TMEFF2: variants seen among roughly 807,000 people sequenced by gnomAD.
The protein encoded by TMEFF2 is tomoregulin-2.
In TMEFF2, 28 loss-of-function variants were observed where a neutral mutation model predicts 53.8. The observed-to-expected ratio is 0.52, with a 90% CI of 0.39 to 0.71. The LOEUF is 0.71. TMEFF2 is among the 30% of genes least tolerant of loss of function. TMEFF2 has a pLI of 0.00. For synonymous variants in TMEFF2, 162 were observed against 166.3 expected (o/e 0.97, Z 0.20); for missense variants, 353 against 455.2 (o/e 0.78, Z 2.04).
At chr2:191,986,811 T>C (rs1685987156) in intron 7 of TMEFF2, among the ~76,000 whole-genome samples, 1 of 142,138 alleles carries the variant, frequency 7.0e-6, no homozygotes, top group Non-Finnish European at 1.5e-5. Flanking sequence ...TGAGCTGACA[T>C]GGTGTCACTG....
chr2:192,051,727 C>G (rs1276483779), intron 5 of TMEFF2, among the ~76,000 whole-genome samples: 1 of 152,146 alleles, frequency 6.6e-6, no homozygotes, highest in African/African-American at 2.4e-5. Context: ...TAAATGTGGG[C>G]AGGTTGCCAA....
At chr2:192,181,839 A>G (rs977331788) in intron 3 of TMEFF2, among the ~76,000 whole-genome samples, 2 of 151,862 alleles carry the variant, frequency 1.3e-5, no homozygotes, top group African/African-American at 4.8e-5. Context: ...AGGAAAAAAA[A>G]GAAGGAATAG....
chr2:192,164,519 G>A (rs1462325963), intron 4 of TMEFF2, among the ~76,000 whole-genome samples: 10 of 152,082 alleles, frequency 6.6e-5, no homozygotes, highest in Non-Finnish European at 1.5e-4. Context: ...CACGAGGTCA[G>A]GAGATCAAGA....
intron 4 of TMEFF2, among the ~76,000 whole-genome samples, chr2:192,065,423 A>G (rs1688145445): frequency 6.6e-6 from 1 of 151,888 alleles, no homozygotes; most frequent in African/African-American, 2.4e-5. Context: ...AACAAAAATA[A>G]TGAGACTTCT....
At chr2:192,173,421 A>G (rs1218218656) in intron 4 of TMEFF2, among the ~76,000 whole-genome samples, 1 of 151,736 alleles carries the variant, frequency 6.6e-6, no homozygotes, top group African/African-American at 2.4e-5. Context: ...AATTGTAATA[A>G]AATCTTCCCA....
chr2:191,953,541 T>C (rs945110877), intron 9 of TMEFF2, 138 bp downstream of exon 9: 91 of 872,714 alleles, frequency 1.0e-4, no homozygotes, highest in Non-Finnish European at 1.5e-4. Flanking sequence ...TCAAATACTC[T>C]TATGCTAAGG....
chr2:192,022,608 T>A (rs1017935440), intron 5 of TMEFF2, among the ~76,000 whole-genome samples: 1 of 152,204 alleles, frequency 6.6e-6, no homozygotes, highest in African/African-American at 2.4e-5. Flanking sequence ...CCTGGATATT[T>A]GTCAGTTTTT....
At chr2:192,091,723 A>G (rs554808787) in intron 4 of TMEFF2, among the ~76,000 whole-genome samples, 1 of 152,060 alleles carries the variant, frequency 6.6e-6, no homozygotes, top group Non-Finnish European at 1.5e-5. Flanking sequence ...CTGAAGGAAA[A>G]TATTAATTTG....
rs145368054 is a variant in TMEFF2 at position 192,024,407 on chromosome 2, T to C, written c.537-25199A>G. ...GCAGAAAGAGAGAAGCTTTACAATTTATCAAAGTAAGTGAAATGCTTCCTT... is the reference window on the plus strand; with the variant it reads ...GCAGAAAGAGAGAAGCTTTACAATTCATCAAAGTAAGTGAAATGCTTCCTT... On this transcript the variant is annotated intron_variant, in intron 5 of 9. Transcript: ENST00000272771. 8.7e-4 allele frequency among the ~76,000 whole-genome samples: 132 copies of C among 152,352 alleles called. 5 individuals carry two copies. The South Asian group carries it at 0.025, about 28-fold the overall frequency.
chr2:192,188,513 G>C (rs1164903884), intron 2 of TMEFF2, among the ~76,000 whole-genome samples: 2 of 152,158 alleles, frequency 1.3e-5, no homozygotes, highest in Non-Finnish European at 2.9e-5. Flanking sequence ...GAGCTGTTTC[G>C]ATTAAGCCCT....
intron 4 of TMEFF2, among the ~76,000 whole-genome samples, chr2:192,081,042 A>G (rs1357293952): frequency 6.6e-6 from 1 of 152,196 alleles, no homozygotes; most frequent in Admixed American, 6.5e-5. Context: ...AAGAACAGTA[A>G]TTTTTTGTTA....
chr2:192,079,337 C>A (rs948529715), intron 4 of TMEFF2, among the ~76,000 whole-genome samples: 5 of 152,190 alleles, frequency 3.3e-5, no homozygotes, highest in South Asian at 2.1e-4. Context: ...AGTTTTCGGA[C>A]CTGCAGCACA....
intron 7 of TMEFF2, among the ~76,000 whole-genome samples, chr2:191,975,943 A>G (rs187528740): frequency 7.2e-5 from 11 of 152,314 alleles, no homozygotes; most frequent in Non-Finnish European, 1.5e-4. Context: ...ATGAGCATGG[A>G]GAGCTTTAGG....
chr2:192,018,901 G>A (rs1574294961), intron 5 of TMEFF2, among the ~76,000 whole-genome samples: 1 of 151,528 alleles, frequency 6.6e-6, no homozygotes, highest in Admixed American at 6.6e-5. Flanking sequence ...TTCTTAATTT[G>A]CTGTACTTAT....
At chr2:191,982,814 C>T (rs192875974) in intron 7 of TMEFF2, among the ~76,000 whole-genome samples, 2 of 152,104 alleles carry the variant, frequency 1.3e-5, no homozygotes, top group Admixed American at 6.6e-5. Flanking sequence ...TCTTTGACTC[C>T]TTAATTTTAA....
rs1038938708 is a variant in TMEFF2 at position 191,953,619 on chromosome 2, T to C, written c.1028+60A>G. Reference sequence around the variant, plus strand: ...GGAACTCACCTCGGAGGGATCTGATTAAATAAAAGAGTAACAATATATCCC... The same window carrying C: ...GGAACTCACCTCGGAGGGATCTGATCAAATAAAAGAGTAACAATATATCCC... On this transcript the variant is annotated intron_variant, in intron 9 of 9. Transcript: ENST00000272771. The C allele has an allele frequency of 1.5e-5, 23 of 1,570,972 alleles. No individual in the cohort carries two copies. The African/African-American group carries it at 3.1e-4, about 21-fold the overall frequency.
intron 4 of TMEFF2, among the ~76,000 whole-genome samples, chr2:192,151,147 T>C (rs1690377970): frequency 2.6e-5 from 4 of 151,836 alleles, no homozygotes; most frequent in African/African-American, 9.7e-5. Flanking sequence ...ATGTAAGACA[T>C]GCCTCTTCCC....
At chr2:192,006,161 C>G (rs542549575) in intron 5 of TMEFF2, among the ~76,000 whole-genome samples, 1 of 151,642 alleles carries the variant, frequency 6.6e-6, no homozygotes, top group Non-Finnish European at 1.5e-5. Context: ...CAGGACTGCA[C>G]TCAGGTTTTC....
At chr2:191,987,763 G>C (rs193237567) in intron 7 of TMEFF2, among the ~76,000 whole-genome samples, 250 of 152,268 alleles carry the variant, frequency 1.6e-3, no homozygotes, top group African/African-American at 5.2e-3. Flanking sequence ...AATGCTATTT[G>C]TAAGTCATTG....
Sources: gnomAD v4.1 joint callset for allele counts (sites outside exome capture counted in the v4.1 genomes callset) on GRCh38, gnomAD v4.1.1 for gene constraint, MANE v1.5 for transcripts, NCBI Gene and HGNC (gene_info 2026-07-23, HGNC 2026-07-21) for gene names.